Variants in WDR49 observed in about 807,000 individuals in gnomAD.
The protein encoded by WDR49 is WD repeat domain 49.
A neutral mutation model predicts 119.5 loss-of-function variants in WDR49; 107 were observed. The ratio of observed to expected loss-of-function variants is 0.90; its 90% confidence interval spans 0.77 to 1.05. The LOEUF is 1.05. Ranked by LOEUF, WDR49 falls within the 50% of genes least tolerant of loss-of-function variation. The probability of loss-of-function intolerance (pLI) is 0.00; values close to 1 mark genes in which losing one functional copy is unlikely to be tolerated. For synonymous variants in WDR49, 425 were observed against 418.8 expected, an observed-to-expected ratio of 1.01 and a Z score of -0.18; for missense variants, 1,240 against 1,220.5, an observed-to-expected ratio of 1.02 and a Z score of -0.24.
chr3:167,484,377 A>G (rs1037685047), intron 18 of WDR49, among the ~76,000 whole-genome samples: 2 of 152,122 alleles, frequency 1.3e-5, no homozygotes, highest in African/African-American at 4.8e-5. Context: ...GCACACCAAC[A>G]TGGCACATGT....
At chr3:167,557,104 G>A (rs543145459) in intron 9 of WDR49, among the ~76,000 whole-genome samples, 11 of 152,150 alleles carry the variant, frequency 7.2e-5, no homozygotes, top group South Asian at 4.1e-4. Context: ...GGCTAAGAGC[G>A]GAGAATCACT....
chr3:167,500,335 A>T, intron 17 of WDR49, 36 bp from the exon 18 acceptor site: 1 of 1,599,292 alleles, frequency 6.3e-7, no homozygotes, highest in Middle Eastern at 1.7e-4. Flanking sequence ...AGACAGGGAG[A>T]AAAAGGGTAC....
chr3:167,491,038 T>C (rs960249160), intron 18 of WDR49, among the ~76,000 whole-genome samples: 2 of 152,108 alleles, frequency 1.3e-5, no homozygotes, highest in African/African-American at 2.4e-5. Flanking sequence ...CCCAGATCCC[T>C]ATACAGACTT....
chr3:167,522,188 A>T, intron 16 of WDR49, 127 bp downstream of exon 16: 1 of 961,540 alleles, frequency 1.0e-6, no homozygotes, highest in Non-Finnish European at 1.5e-6. Flanking sequence ...CCAATCCCCC[A>T]AATTTTGGAG....
intron 7 of WDR49, 43 bp downstream of exon 7, chr3:167,602,084 G>A (rs372051210): frequency 5.0e-5 from 77 of 1,536,442 alleles, no homozygotes; most frequent in Non-Finnish European, 5.4e-5. Flanking sequence ...GGTAGGAATC[G>A]GGGAAGCAAA....
chr3:167,632,519 A>T (rs1717420207), intron 2 of WDR49, among the ~76,000 whole-genome samples: 1 of 151,980 alleles, frequency 6.6e-6, no homozygotes, highest in Admixed American at 6.6e-5. Context: ...AAATGAAACT[A>T]TGTTTTTGCC....
Position 167,620,468 on chromosome 3 carries a change from A to AT in WDR49, c.918dup (p.Leu307IlefsTer4), listed in dbSNP as rs1232666571. Reference sequence around the variant, plus strand: ...TCTCCTTGATGAAGTTTATGCTCTAATATATGGCAACATTTGTGACATCCA... The same window carrying AT: ...TCTCCTTGATGAAGTTTATGCTCTAATTATATGGCAACATTTGTGACATCCA... On this transcript the variant is annotated frameshift_variant, in exon 5 of 19. Transcript: ENST00000682715. LOFTEE classifies it high-confidence loss of function. The AT allele has an allele frequency of 6.5e-7, 1 of 1,536,072 alleles. No individual in the cohort carries two copies. The highest frequency in any genetic ancestry group is 2.4e-5 in the East Asian group (1 of 40,914).
In WDR49 at chr3:167,560,193, G is replaced by C; in HGVS notation, c.1545C>G (p.Phe515Leu). 6.2e-7 allele frequency: 1 copy of C among 1,614,110 alleles called. No homozygotes were observed. The highest frequency in any genetic ancestry group is 8.5e-7 in the Non-Finnish European group (1 of 1,180,004). Residue 515 changes from phenylalanine to leucine, a missense_variant, in exon 9 of 19, where the codon TTC (phenylalanine) becomes TTG (leucine). Coordinates refer to ENST00000682715, the MANE Select transcript of WDR49 (RefSeq NM_001366157.1). ...TTTTCTGCCCAGTGTCTATCATCCA[G>C]AAGGAAACAGTAGACCCTGTATCAG... The part of the protein sequence containing the change: ...ISSDTGSTVS[F>L]WMIDTGQKIK...
intron 10 of WDR49, among the ~76,000 whole-genome samples, chr3:167,543,959 G>T (rs1225060515): frequency 1.3e-5 from 2 of 151,576 alleles, no homozygotes; most frequent in South Asian, 2.1e-4. Flanking sequence ...ATTCAGTAAA[G>T]CTTCAGAATA....
intron 7 of WDR49, among the ~76,000 whole-genome samples, chr3:167,578,026 T>C (rs2108285646): frequency 6.6e-6 from 1 of 152,272 alleles, no homozygotes. Flanking sequence ...AATTATTAAA[T>C]ATATTCAGCC....
intron 8 of WDR49, among the ~76,000 whole-genome samples, chr3:167,564,432 G>A (rs544700179): frequency 6.6e-6 from 1 of 152,204 alleles, no homozygotes; most frequent in African/African-American, 2.4e-5. Context: ...TGAAGAAAAT[G>A]GATTCACTAC....
At chr3:167,505,497 C>A in intron 16 of WDR49, 81 bp from the exon 17 acceptor site, 5 of 1,371,886 alleles carry the variant, frequency 3.6e-6, no homozygotes, top group Non-Finnish European at 4.7e-6. Flanking sequence ...GTATCTTTGA[C>A]CAAAAAAAAC....
chr3:167,620,387 C>A, intron 5 of WDR49, 42 bp downstream of exon 5: 2 of 1,509,576 alleles, frequency 1.3e-6, no homozygotes, highest in South Asian at 2.5e-5. Context: ...ATGTACAAGT[C>A]AGAGGTGACC....
At chr3:167,485,187 C>A in intron 18 of WDR49, among the ~76,000 whole-genome samples, 1 of 151,812 alleles carries the variant, frequency 6.6e-6, no homozygotes, top group Non-Finnish European at 1.5e-5. Context: ...ACACCAGGGT[C>A]TATTGGGTGG....
Position 167,626,853 on chromosome 3 carries a change from T to G in WDR49, c.605A>C (p.Lys202Thr). The G allele has an allele frequency of 1.6e-6, 2 of 1,249,220 alleles. No homozygotes were observed. The highest frequency in any genetic ancestry group is 3.7e-5 in the South Asian group (1 of 26,910). The allele number at this position is 1,249,220 out of a possible 1,614,324, so 77.4% of individuals were successfully genotyped here. ...CATTTTTTTATAAAGAGTCTGTACCTTGTTTACATTTTCCAGAGAAACCAG... is the reference window on the plus strand; with the variant it reads ...CATTTTTTTATAAAGAGTCTGTACCGTGTTTACATTTTCCAGAGAAACCAG... The part of the protein sequence containing the change: ...TSLVSLENVN[K>T]IAVAFTSKEV... Residue 202 changes from lysine (K) to threonine (T), a missense_variant and splice_region_variant, in exon 3 of 19, where the codon AAG becomes ACG. Coordinates refer to ENST00000682715, the MANE Select transcript of WDR49 (RefSeq NM_001366157.1).
chr3:167,655,901 CTCTCTCTCTA>C (rs1718589717), upstream of WDR49, among the ~76,000 whole-genome samples: 1 of 151,942 alleles, frequency 6.6e-6, no homozygotes, highest in African/African-American at 2.4e-5. Context: ...CTGTCTCTCT[CTCTCTCTCTA>C]TCTCTCTCTC....
At chr3:167,495,246 T>C (rs1280682566) in intron 18 of WDR49, among the ~76,000 whole-genome samples, 2 of 151,832 alleles carry the variant, frequency 1.3e-5, no homozygotes, top group African/African-American at 2.4e-5. Flanking sequence ...TAAACATGTT[T>C]CAAAAACAGA....
chr3:167,612,500 T>C (rs1716385713), intron 5 of WDR49, among the ~76,000 whole-genome samples: 1 of 151,188 alleles, frequency 6.6e-6, no homozygotes, highest in African/African-American at 2.4e-5. Flanking sequence ...ATAAATAAAA[T>C]TGAAAAAAAT....
Position 167,646,917 on chromosome 3 carries a change from A to T in WDR49, c.165+6344T>A, listed in dbSNP as rs372733150. On this transcript the variant is annotated intron_variant, in intron 2 of 18. Transcript: ENST00000682715. ...ACCCCAAGGGGCTTTTTCTTGCACA[A>T]GTATGAGGTAGAGCCTTGGGAAACG... 3.9e-5 allele frequency among the ~76,000 whole-genome samples: 6 copies of T among 152,250 alleles called. No individual in the cohort carries two copies. The South Asian group carries it at 6.2e-4, about 16-fold the overall frequency.
Sources: allele counts gnomAD v4.1 joint callset (sites outside exome capture counted in the v4.1 genomes callset), GRCh38; gene constraint gnomAD v4.1.1; transcripts MANE v1.5; gene names NCBI Gene and HGNC (gene_info 2026-07-23, HGNC 2026-07-21).